The following OLA1 variants were observed in gnomAD, a reference collection of about 807,000 sequenced individuals.
OLA1 encodes the protein obg-like ATPase 1.
OLA1 carries 14 observed loss-of-function variants against 48.4 expected under a neutral mutation model. The observed-to-expected ratio is 0.29, with a 90% CI of 0.19 to 0.45. The LOEUF (loss-of-function observed/expected upper bound fraction) is 0.45, where lower values mean the gene tolerates loss of function less well. Ranked by LOEUF, OLA1 falls within the 20% of genes least tolerant of loss-of-function variation. The probability of loss-of-function intolerance (pLI) is 1.00; values close to 1 mark genes in which losing one functional copy is unlikely to be tolerated. For missense variants in OLA1, 325 were observed against 467.1 expected (o/e 0.70, Z 2.80); for synonymous variants, 127 against 150.4 (o/e 0.84, Z 1.14).
intron 2 of OLA1, among the ~76,000 whole-genome samples, chr2:174,242,539 T>C (rs1038405741): frequency 2.0e-5 from 3 of 152,140 alleles, no homozygotes; most frequent in Admixed American, 1.3e-4. Flanking sequence ...ATCCTAGGGA[T>C]TGCCAAGCTG....
intron 4 of OLA1, among the ~76,000 whole-genome samples, chr2:174,142,766 C>T (rs976875070): frequency 3.9e-5 from 6 of 152,240 alleles, no homozygotes; most frequent in Middle Eastern, 3.4e-3. Flanking sequence ...AATGTGGCAA[C>T]ATAATTCAAC....
chr2:174,171,291 T>C (rs1354924139), intron 4 of OLA1, among the ~76,000 whole-genome samples: 3 of 152,206 alleles, frequency 2.0e-5, no homozygotes, highest in Non-Finnish European at 2.9e-5. Context: ...ACGAAATATT[T>C]ATAGAACATT....
At chr2:174,248,194 C>T (rs547686422) in intron 1 of OLA1, 5 of 159,990 alleles carry the variant, frequency 3.1e-5, no homozygotes, top group Admixed American at 1.2e-4. Context: ...CCCCATCCTC[C>T]TCTCCGGACT....
intron 4 of OLA1, among the ~76,000 whole-genome samples, chr2:174,181,998 A>G (rs888102462): frequency 6.6e-6 from 1 of 152,192 alleles, no homozygotes; most frequent in Non-Finnish European, 1.5e-5. Context: ...GAGTGAATAA[A>G]TTGTGGGAAA....
chr2:174,093,197 C>T (rs879370399), intron 7 of OLA1, among the ~76,000 whole-genome samples: 4 of 152,090 alleles, frequency 2.6e-5, no homozygotes, highest in Non-Finnish European at 5.9e-5. Flanking sequence ...GCCTGTAATC[C>T]CAGCATTTTG....
chr2:174,219,859 C>A (rs897786868), intron 4 of OLA1, among the ~76,000 whole-genome samples: 7 of 152,186 alleles, frequency 4.6e-5, no homozygotes, highest in Admixed American at 4.6e-4. Flanking sequence ...AGGCTGGGCA[C>A]AGTGGCTCAC....
At chr2:174,119,462 T>C (rs898614937) in intron 7 of OLA1, among the ~76,000 whole-genome samples, 13 of 152,136 alleles carry the variant, frequency 8.5e-5, no homozygotes, top group Non-Finnish European at 1.8e-4. Flanking sequence ...TGTGTTTGTA[T>C]ATATATGCAC....
intron 7 of OLA1, among the ~76,000 whole-genome samples, chr2:174,094,730 C>T (rs992354299): frequency 1.8e-4 from 28 of 152,318 alleles, no homozygotes; most frequent in African/African-American, 6.5e-4. Context: ...ACAGTGCTAA[C>T]TCTATTTACA....
chr2:174,203,674 C>T (rs116037196), intron 4 of OLA1, among the ~76,000 whole-genome samples: 17 of 152,092 alleles, frequency 1.1e-4, no homozygotes, highest in African/African-American at 4.1e-4. Flanking sequence ...CCCAGCTCCT[C>T]CATTTTACTC....
chr2:174,216,478 T>C (rs1326598285), intron 4 of OLA1, among the ~76,000 whole-genome samples: 1 of 152,156 alleles, frequency 6.6e-6, no homozygotes. Flanking sequence ...GTTACTGCCA[T>C]TTCAGACAAA....
At chr2:174,122,516 T>C (rs1685936179) in intron 7 of OLA1, among the ~76,000 whole-genome samples, 1 of 152,188 alleles carries the variant, frequency 6.6e-6, no homozygotes. Context: ...ATAAAATACT[T>C]AAGAGTCCAG....
In OLA1 at chr2:174,246,824, CCA is replaced by C; in HGVS notation, c.1-11_1-10del. The C allele has an allele frequency of 6.3e-7, 1 of 1,576,328 alleles. No homozygotes were observed. On this transcript the variant is annotated splice_polypyrimidine_tract_variant and intron_variant, in intron 1 of 10. Coordinates refer to ENST00000284719, the MANE Select transcript of OLA1 (RefSeq NM_013341.5). ...CCCTTTTTAGGGGGCATCTGAAATA[CCA>C]AAGCAAACATATGAACAAAACTTTT... is the stretch of plus-strand genomic sequence containing the variant.
chr2:174,170,713 C>T (rs1288685385), intron 4 of OLA1, among the ~76,000 whole-genome samples: 1 of 152,106 alleles, frequency 6.6e-6, no homozygotes, highest in South Asian at 2.1e-4. Flanking sequence ...GCCGAGGCAA[C>T]ATAGCAAGAT....
At chr2:174,161,909 T>C (rs541442101) in intron 4 of OLA1, among the ~76,000 whole-genome samples, 39 of 152,226 alleles carry the variant, frequency 2.6e-4, no homozygotes, top group African/African-American at 8.2e-4. Context: ...TTTAGGTATC[T>C]AGGGAGAGAT....
chr2:174,245,368 T>C (rs1689103107), intron 2 of OLA1, among the ~76,000 whole-genome samples: 1 of 152,202 alleles, frequency 6.6e-6, no homozygotes, highest in African/African-American at 2.4e-5. Context: ...TTACATTACA[T>C]GAATTTAAGA....
chr2:174,089,850 C>T lies in OLA1; in HGVS notation c.729-7786G>A, dbSNP rs148970444. ...CCAGGAGGAGAAGGTTGCAGGGAGT[C>T]GAGATCATGCTACCGCACTCTAGCC... is the stretch of plus-strand genomic sequence containing the variant. On this transcript the variant is annotated intron_variant, in intron 7 of 10. Coordinates refer to ENST00000284719, the MANE Select transcript of OLA1 (RefSeq NM_013341.5). Among the ~76,000 whole-genome samples the T allele has an allele frequency of 5.5e-3, 797 of 145,806 alleles. 4 individuals carry two copies. Among genetic ancestry groups the T allele is most frequent in the Non-Finnish European group, 7.5e-3 (504 of 67,202 alleles).
At chr2:174,202,117 G>A (rs533368518) in intron 4 of OLA1, among the ~76,000 whole-genome samples, 2 of 152,040 alleles carry the variant, frequency 1.3e-5, no homozygotes, top group South Asian at 2.1e-4. Context: ...TGTCATGAAT[G>A]CATAAAAATA....
At chr2:174,128,627 C>G (rs142131484) in intron 5 of OLA1, among the ~76,000 whole-genome samples, 1,537 of 151,656 alleles carry the variant, frequency 0.01, 27 homozygotes, top group African/African-American at 0.035. Flanking sequence ...ATCCCATCTA[C>G]TCAGGAGGCT....
chr2:174,161,733 C>T (rs1038836749), intron 4 of OLA1, among the ~76,000 whole-genome samples: 2 of 150,398 alleles, frequency 1.3e-5, no homozygotes, highest in African/African-American at 4.9e-5. Context: ...GATAGACACA[C>T]ATACATACAT....
Sources: allele counts gnomAD v4.1 joint callset (sites outside exome capture counted in the v4.1 genomes callset), GRCh38; gene constraint gnomAD v4.1.1; transcripts MANE v1.5; gene names NCBI Gene and HGNC (gene_info 2026-07-23, HGNC 2026-07-21).